Variants in TRIM37 observed in about 807,000 individuals in gnomAD.
TRIM37 encodes tripartite motif containing 37.
TRIM37 carries 80 observed loss-of-function variants against 129.8 expected under a neutral mutation model. That is an observed-to-expected ratio of 0.62 (90% confidence interval 0.51 to 0.74). The LOEUF (loss-of-function observed/expected upper bound fraction) is 0.74, where lower values mean the gene tolerates loss of function less well. Among genes scored for constraint, TRIM37 ranks in the 30% least tolerant of loss-of-function variants. TRIM37 has a pLI of 0.00. For synonymous variants in TRIM37, 389 were observed against 387.1 expected (o/e 1.00, Z -0.06); for missense variants, 1,054 against 1,176.5 (o/e 0.90, Z 1.52).
chr17:58,974,315 C>T, the TRIM37 span, among the ~76,000 whole-genome samples: 1 of 152,082 alleles, frequency 6.6e-6, no homozygotes, highest in African/African-American at 2.4e-5. Context: ...AAGCATTGTG[C>T]TTTTTATATG....
downstream of TRIM37, among the ~76,000 whole-genome samples, chr17:58,979,488 A>C (rs1174583457): frequency 6.6e-6 from 1 of 152,246 alleles, no homozygotes; most frequent in Non-Finnish European, 1.5e-5. Context: ...TTTCTAAACA[A>C]GAATAGAACA....
At chr17:59,017,796 TG>T (rs1268668262) in intron 19 of TRIM37, among the ~76,000 whole-genome samples, 1 of 152,072 alleles carries the variant, frequency 6.6e-6, no homozygotes, top group Admixed American at 6.6e-5. Flanking sequence ...AGCTAATTTT[TG>T]TATTTTTAGT....
chr17:58,982,351 A>C (rs1472418716), downstream of TRIM37: 1 of 152,286 alleles, frequency 6.6e-6, no homozygotes, highest in Non-Finnish European at 1.5e-5. Flanking sequence ...CATTCAGTGA[A>C]GCAGCCTCTG....
downstream of TRIM37, among the ~76,000 whole-genome samples, chr17:58,978,462 G>A (rs901127877): frequency 3.3e-5 from 5 of 152,174 alleles, no homozygotes; most frequent in Non-Finnish European, 7.3e-5. Context: ...TGTTATCCCA[G>A]CACTTTGGGA....
chr17:59,023,031 G>C (rs965503979), intron 19 of TRIM37, among the ~76,000 whole-genome samples: 4 of 151,894 alleles, frequency 2.6e-5, no homozygotes, highest in African/African-American at 4.8e-5. Flanking sequence ...CTATACTATA[G>C]AATCTATTAC....
At chr17:59,005,573 G>T (rs1324814626) in intron 22 of TRIM37, among the ~76,000 whole-genome samples, 1 of 152,124 alleles carries the variant, frequency 6.6e-6, no homozygotes, top group Non-Finnish European at 1.5e-5. Flanking sequence ...GTGAGCCACC[G>T]CATCCAGCCT....
At chr17:59,043,391 A>G (rs992319202) in intron 16 of TRIM37, among the ~76,000 whole-genome samples, 2 of 152,150 alleles carry the variant, frequency 1.3e-5, no homozygotes, top group Non-Finnish European at 2.9e-5. Context: ...AAATCTATAA[A>G]AACTGGGTAA....
At chr17:59,081,964 A>AAAAAAAAAAAATAAT (rs1568200247) in intron 5 of TRIM37, among the ~76,000 whole-genome samples, 3 of 87,222 alleles carry the variant, frequency 3.4e-5, no homozygotes, top group Admixed American at 1.2e-4. Context: ...AAAAAAAAAA[A>AAAAAAAAAAAATAAT]AATAATAATA....
chr17:59,012,181 T>C, intron 22 of TRIM37, 147 bp downstream of exon 22: 1 of 684,436 alleles, frequency 1.5e-6, no homozygotes, highest in South Asian at 1.5e-5. Context: ...AACATTTCCA[T>C]TAAACCAACC....
the TRIM37 span, chr17:58,969,590 G>A: frequency 1.2e-6 from 2 of 1,614,018 alleles, no homozygotes; most frequent in Non-Finnish European, 1.7e-6. Flanking sequence ...TGGGGGAGTA[G>A]ATGCTGCTAT....
At chr17:59,020,989 G>T (rs914136391) in intron 19 of TRIM37, among the ~76,000 whole-genome samples, 3 of 152,138 alleles carry the variant, frequency 2.0e-5, no homozygotes, top group Non-Finnish European at 4.4e-5. Flanking sequence ...ATACCCAAAA[G>T]AAAGCAAATT....
At chr17:59,097,005 C>A (rs1172227660) in intron 2 of TRIM37, among the ~76,000 whole-genome samples, 1 of 152,160 alleles carries the variant, frequency 6.6e-6, no homozygotes, top group Non-Finnish European at 1.5e-5. Flanking sequence ...TAAACCACTT[C>A]ATGGAAAACC....
At position 59,106,441 on chromosome 17, in the gene TRIM37, C is replaced by G. The variant is rs1446656182; in HGVS notation, c.21G>C (p.Glu7Asp). The change falls in exon 1 of 24, where the codon GAG (glutamate) becomes GAC (aspartate). Residue 7 changes from glutamate to aspartate, a missense_variant and splice_region_variant. Transcript: ENST00000262294. ...ACCACCACCCTCACAACCCCCTCAC[C>G]TCCACGCTCTGTTCATCCATTGCCT... MDEQSV[E>D]SIAEVFRCFI... 2.5e-6 allele frequency: 4 copies of G among 1,614,032 alleles called. No individual in the cohort carries two copies. Among genetic ancestry groups the G allele is most frequent in the Non-Finnish European group, 3.4e-6 (4 of 1,180,002 alleles).
At chr17:58,969,463 A>C in the TRIM37 span, 1 of 1,415,914 alleles carries the variant, frequency 7.1e-7, no homozygotes, top group Admixed American at 1.7e-5. Flanking sequence ...GATGGGCAAC[A>C]ATGATGCCAG....
chr17:58,991,412 T>C (rs2032394002), intron 24 of TRIM37, among the ~76,000 whole-genome samples: 1 of 152,118 alleles, frequency 6.6e-6, no homozygotes, highest in African/African-American at 2.4e-5. Flanking sequence ...GGCAGGTGCC[T>C]GTAATCCCAG....
At chr17:58,996,606 C>A (rs1272676381), downstream of TRIM37, among the ~76,000 whole-genome samples, 1 of 151,376 alleles carries the variant, frequency 6.6e-6, no homozygotes, top group African/African-American at 2.4e-5. Flanking sequence ...TGGAGTGAAA[C>A]CCCATCTCCA....
Position 59,100,357 on chromosome 17 carries a change from A to G in TRIM37, c.123+3936T>C, listed in dbSNP as rs1307586501. 2.0e-5 allele frequency among the ~76,000 whole-genome samples: 3 copies of G among 152,224 alleles called. No individual in the cohort carries two copies. In the East Asian group the frequency reaches 5.8e-4, roughly 29 times the overall value. ...CTGTAAACATGCCATATGCCCATCA[A>G]CAGGTGAATGCATAAACAAATTGTG... On this transcript the variant is annotated intron_variant, in intron 2 of 23. Coordinates refer to ENST00000262294, the MANE Select transcript of TRIM37 (RefSeq NM_015294.6).
In TRIM37 at chr17:58,998,627, G is replaced by C; in HGVS notation, c.*750C>G. ...AAAAGGGGGCTTTAAAATATTTGTT[G>C]CACTACAGTCGTATAGTAAGAGGCA... On this transcript the variant is annotated 3_prime_UTR_variant, in exon 24 of 24. Transcript: ENST00000262294. 5 of 985,272 alleles carry C rather than the reference G, an allele frequency of 5.1e-6. No individual in the cohort carries two copies. The highest frequency in any genetic ancestry group is 6.0e-6 in the Non-Finnish European group (5 of 829,868). 61.0% of individuals were successfully genotyped at this position (985,272 alleles called of 1,614,324 possible).
intron 19 of TRIM37, among the ~76,000 whole-genome samples, chr17:59,024,695 C>T (rs2037035130): frequency 6.6e-6 from 1 of 152,052 alleles, no homozygotes; most frequent in Non-Finnish European, 1.5e-5. Flanking sequence ...ACTGGCTTAT[C>T]AAAAAAATTT....
Sources: gnomAD v4.1 joint callset for allele counts (sites outside exome capture counted in the v4.1 genomes callset) on GRCh38, gnomAD v4.1.1 for gene constraint, MANE v1.5 for transcripts, NCBI Gene and HGNC (gene_info 2026-07-23, HGNC 2026-07-21) for gene names.